Variants in ACTN1 observed in about 807,000 individuals in gnomAD.
The protein encoded by ACTN1 is actinin alpha 1.
A neutral mutation model predicts 119.6 loss-of-function variants in ACTN1; 30 were observed. The ratio of observed to expected loss-of-function variants is 0.25; its 90% CI spans 0.19 to 0.34. The LOEUF (loss-of-function observed/expected upper bound fraction) is 0.34. Ranked by LOEUF, ACTN1 falls within the 10% of genes least tolerant of loss-of-function variation. The pLI is 1.00. For synonymous variants in ACTN1, 429 were observed against 472.6 expected (o/e 0.91, Z 1.20); for missense variants, 764 against 1,223.4 (o/e 0.62, Z 5.60).
At chr14:68,960,218 C>T (rs1016372747) in intron 1 of ACTN1, among the ~76,000 whole-genome samples, 11 of 151,996 alleles carry the variant, frequency 7.2e-5, no homozygotes, top group African/African-American at 2.4e-4. Context: ...GAGGCAGGCA[C>T]AGTCGGTATA....
Position 68,925,613 on chromosome 14 carries a change from G to A in ACTN1, c.165C>T (p.Ile55=), listed in dbSNP as rs754001875. 48 of 1,613,428 alleles carry A rather than the reference G, an allele frequency of 3.0e-5. 1 individual carries two copies. The South Asian group carries it at 4.2e-4, about 14-fold the overall frequency. The change falls in exon 2 of 22, where the codon ATC becomes ATT. Residue 55 remains isoleucine (I), a synonymous_variant. Coordinates refer to ENST00000394419, the MANE Select transcript of ACTN1 (RefSeq NM_001130004.2). This position sits in a 1 kb window ranked among gnomAD's most constrained non-coding sequence, Gnocchi z 4.3. ...TCAGGCCATCCCGGAAGTCCTCTTC[G>A]ATGTTCTCGATCTGTGTCCCCGCCT... ...LRKAGTQIEN[I]EEDFRDGLKL...
intron 1 of ACTN1, among the ~76,000 whole-genome samples, chr14:68,976,863 A>C (rs1320392441): frequency 6.6e-6 from 1 of 152,230 alleles, no homozygotes; most frequent in Non-Finnish European, 1.5e-5. Context: ...AGGATAACCC[A>C]GTTTCCCAGA....
intron 1 of ACTN1, chr14:68,978,118 A>C (rs1257774135): frequency 2.2e-6 from 1 of 455,406 alleles, no homozygotes; most frequent in Non-Finnish European, 4.4e-6. Context: ...CCTGGGATGC[A>C]GCTCCGTGGC....
intron 1 of ACTN1, among the ~76,000 whole-genome samples, chr14:68,969,224 A>G (rs2140665157): frequency 6.6e-6 from 1 of 152,348 alleles, no homozygotes; most frequent in African/African-American, 2.4e-5. Flanking sequence ...ATTTGGAGCT[A>G]AAGTTGGGAA....
chr14:68,926,530 G>A (rs1325305451), intron 1 of ACTN1, among the ~76,000 whole-genome samples: 1 of 152,230 alleles, frequency 6.6e-6, no homozygotes, highest in Admixed American at 6.5e-5. Flanking sequence ...GTGGCAACCA[G>A]AGAGAAGAGC....
intron 21 of ACTN1, among the ~76,000 whole-genome samples, chr14:68,876,048 G>A (rs764219600): frequency 6.6e-6 from 1 of 152,190 alleles, no homozygotes; most frequent in Non-Finnish European, 1.5e-5. Context: ...CCAGGCTGGA[G>A]TGCAGTGGCA....
intron 21 of ACTN1, chr14:68,875,218 C>A: frequency 7.0e-7 from 1 of 1,429,226 alleles, no homozygotes; most frequent in Admixed American, 2.3e-5. Flanking sequence ...TTAAAATTCT[C>A]TCAGGTTTTC....
At chr14:68,978,836 C>T (rs2037162403) in intron 1 of ACTN1, 116 bp downstream of exon 1, 2 of 629,572 alleles carry the variant, frequency 3.2e-6, no homozygotes, top group Non-Finnish European at 2.5e-6. Flanking sequence ...CCCCCGCCCC[C>T]TCCCGTGCGC....
chr14:68,974,787 T>C (rs1358000437), intron 1 of ACTN1, among the ~76,000 whole-genome samples: 1 of 152,196 alleles, frequency 6.6e-6, no homozygotes, highest in African/African-American at 2.4e-5. Flanking sequence ...TTAATGAACA[T>C]CTACTGATTG....
At chr14:68,917,215 A>T (rs2034347055) in intron 3 of ACTN1, among the ~76,000 whole-genome samples, 1 of 152,056 alleles carries the variant, frequency 6.6e-6, no homozygotes, top group Non-Finnish European at 1.5e-5. Context: ...CCTCCCCTTT[A>T]TGTGTGGAAG....
At chr14:68,912,114 G>A in intron 4 of ACTN1, 42 bp downstream of exon 4, 1 of 1,590,082 alleles carries the variant, frequency 6.3e-7, no homozygotes, top group Non-Finnish European at 8.6e-7. Flanking sequence ...CAGGGAGGGA[G>A]ACGAGATGGT....
chr14:68,923,066 C>T (rs1345967513), intron 2 of ACTN1, among the ~76,000 whole-genome samples: 1 of 152,200 alleles, frequency 6.6e-6, no homozygotes, highest in Non-Finnish European at 1.5e-5. Flanking sequence ...GCACAGGTCC[C>T]CTGGGCACAC....
intron 1 of ACTN1, 78 bp downstream of exon 1, chr14:68,978,874 C>G: frequency 1.0e-6 from 1 of 988,018 alleles, no homozygotes; most frequent in Non-Finnish European, 1.4e-6. Context: ...AGCCCGGAGC[C>G]GAGAGCCCGG....
intron 1 of ACTN1, among the ~76,000 whole-genome samples, chr14:68,941,458 G>A (rs566521261): frequency 1.3e-5 from 2 of 152,320 alleles, no homozygotes; most frequent in East Asian, 3.9e-4. Context: ...TAGTGGCTAA[G>A]AACGGATTTG....
Position 68,979,073 on chromosome 14 carries a change from T to C in ACTN1, c.-17A>G. ...ATGGTCCATGATGGTGCGCGCGTGCTAGGGTCTGGATTTCTTCCTCCACCT... is the reference window on the plus strand; with the variant it reads ...ATGGTCCATGATGGTGCGCGCGTGCCAGGGTCTGGATTTCTTCCTCCACCT... On this transcript the variant is annotated 5_prime_UTR_variant, in exon 1 of 22. Coordinates refer to ENST00000394419, the MANE Select transcript of ACTN1 (RefSeq NM_001130004.2). 1 of 1,547,048 alleles carries C rather than the reference T, an allele frequency of 6.5e-7. No homozygotes were observed. The highest frequency in any genetic ancestry group is 1.1e-5 in the South Asian group (1 of 87,246).
intron 1 of ACTN1, among the ~76,000 whole-genome samples, chr14:68,942,252 C>T (rs1358111929): frequency 5.3e-5 from 8 of 152,102 alleles, no homozygotes; most frequent in African/African-American, 2.4e-5. Flanking sequence ...TGATGGTGCA[C>T]CCCTATAGTT....
chr14:68,939,424 AATG>A, intron 1 of ACTN1, among the ~76,000 whole-genome samples: 1 of 152,168 alleles, frequency 6.6e-6, no homozygotes, highest in Non-Finnish European at 1.5e-5. Flanking sequence ...TGTGGGCCAG[AATG>A]ATGATGGTGA....
In ACTN1 at chr14:68,963,582, T is replaced by C. The variant is rs141707705; in HGVS notation, c.105+15370A>G. On this transcript the variant is annotated intron_variant, in intron 1 of 21. Transcript: ENST00000394419. ...CCAGCTGAACTCACCCTTCAGAAAC[T>C]TTCCTCCCACCTGGGGCTGGAACCC... Among the ~76,000 whole-genome samples the C allele has an allele frequency of 7.5e-3, 1,137 of 152,340 alleles. 6 individuals carry two copies. The highest frequency in any genetic ancestry group is 0.012 in the Non-Finnish European group (812 of 68,036).
chr14:68,956,455 G>A (rs755482241), intron 1 of ACTN1, among the ~76,000 whole-genome samples: 21 of 152,150 alleles, frequency 1.4e-4, no homozygotes, highest in Non-Finnish European at 2.4e-4. Flanking sequence ...TAAGTAGGGC[G>A]CTTGCTGGAA....
Sources: allele counts gnomAD v4.1 joint callset (sites outside exome capture counted in the v4.1 genomes callset), GRCh38; gene constraint gnomAD v4.1.1; non-coding constraint Gnocchi (gnomAD v3.1); transcripts MANE v1.5; gene names NCBI Gene and HGNC (gene_info 2026-07-23, HGNC 2026-07-21).